The following FAM135B variants were observed in gnomAD, a reference collection of about 807,000 sequenced individuals.
FAM135B encodes the protein protein FAM135B.
A neutral mutation model predicts 127.7 loss-of-function variants in FAM135B; 43 were observed. That is an observed-to-expected ratio of 0.34 (90% CI 0.26 to 0.43). The LOEUF (loss-of-function observed/expected upper bound fraction) is 0.43, where lower values mean the gene tolerates loss of function less well. Ranked by LOEUF, FAM135B falls within the 20% of genes least tolerant of loss-of-function variation. The pLI, the probability that FAM135B is intolerant of heterozygous loss-of-function variation, is 1.00. For missense variants in FAM135B, 1,558 were observed against 1,725.6 expected, an observed-to-expected ratio of 0.90 and a Z score of 1.72; for synonymous variants, 670 against 665.1, an observed-to-expected ratio of 1.01 and a Z score of -0.11.
intron 17 of FAM135B, among the ~76,000 whole-genome samples, chr8:138,140,257 A>T (rs1029578314): frequency 6.6e-6 from 1 of 152,212 alleles, no homozygotes; most frequent in Non-Finnish European, 1.5e-5. Context: ...GGCCATGAGG[A>T]AACAACGTTA....
intron 12 of FAM135B, among the ~76,000 whole-genome samples, chr8:138,154,073 C>T (rs1316937835): frequency 6.6e-6 from 1 of 152,114 alleles, no homozygotes; most frequent in Non-Finnish European, 1.5e-5. Flanking sequence ...AGCTGGGTGC[C>T]CCTCTGAGAC....
intron 7 of FAM135B, among the ~76,000 whole-genome samples, chr8:138,239,777 A>T (rs1820587938): frequency 6.6e-6 from 1 of 152,234 alleles, no homozygotes; most frequent in Admixed American, 6.5e-5. Context: ...AGACTGGATT[A>T]AGAAAATGTG....
At chr8:138,446,097 C>T (rs202038840) in intron 1 of FAM135B, among the ~76,000 whole-genome samples, 13 of 152,110 alleles carry the variant, frequency 8.5e-5, no homozygotes, top group South Asian at 6.2e-4. Flanking sequence ...CAACTTACAA[C>T]GGATGTGAAG....
intron 1 of FAM135B, among the ~76,000 whole-genome samples, chr8:138,400,334 C>T (rs1193615297): frequency 6.6e-6 from 1 of 152,150 alleles, no homozygotes; most frequent in Non-Finnish European, 1.5e-5. Context: ...TGACCTGCTA[C>T]CAAAGAGCCC....
chr8:138,286,482 C>T (rs543932112), intron 3 of FAM135B, among the ~76,000 whole-genome samples: 14 of 152,320 alleles, frequency 9.2e-5, no homozygotes, highest in South Asian at 2.1e-4. Context: ...CACGTATAGA[C>T]GGCCTACTCA....
chr8:138,442,248 A>ATG (rs1835829087), intron 1 of FAM135B, among the ~76,000 whole-genome samples: 6 of 110,300 alleles, frequency 5.4e-5, no homozygotes, highest in Admixed American at 4.4e-4. Flanking sequence ...ATATATATAT[A>ATG]TATATATATA....
intron 1 of FAM135B, among the ~76,000 whole-genome samples, chr8:138,460,986 G>T (rs1237896187): frequency 6.6e-6 from 1 of 152,202 alleles, no homozygotes; most frequent in Non-Finnish European, 1.5e-5. Flanking sequence ...TATTCAGACA[G>T]CTTGGGTTTT....
At chr8:138,371,111 C>A (rs545859854) in intron 1 of FAM135B, among the ~76,000 whole-genome samples, 1 of 152,282 alleles carries the variant, frequency 6.6e-6, no homozygotes, top group East Asian at 1.9e-4. Context: ...TTAACCAGAC[C>A]TGAGTTAACT....
In FAM135B at chr8:138,242,001, A is replaced by G. The variant is rs900901772; in HGVS notation, c.669+941T>C. Among the ~76,000 whole-genome samples the G allele has an allele frequency of 1.3e-5, 2 of 152,082 alleles. No individual in the cohort carries two copies. Among genetic ancestry groups the G allele is most frequent in the African/African-American group, 4.8e-5 (2 of 41,428 alleles). ...AGTTTTCTCCTGCCTTTGGACTTAGACTTGCAAGGGGCCTTATAACACTAG... is the reference window on the plus strand; with the variant it reads ...AGTTTTCTCCTGCCTTTGGACTTAGGCTTGCAAGGGGCCTTATAACACTAG... On this transcript the variant is annotated intron_variant, in intron 7 of 19. Transcript: ENST00000395297. This position sits in a 1 kb window ranked among gnomAD's most constrained non-coding sequence, Gnocchi z 9.6.
chr8:138,147,706 C>T (rs542607729), intron 14 of FAM135B, among the ~76,000 whole-genome samples: 3 of 152,172 alleles, frequency 2.0e-5, no homozygotes, highest in South Asian at 2.1e-4. Flanking sequence ...TCTATGGCTC[C>T]GTTTTCTGAC....
chr8:138,198,094 T>C (rs1816808137), intron 7 of FAM135B, among the ~76,000 whole-genome samples: 1 of 152,084 alleles, frequency 6.6e-6, no homozygotes, highest in South Asian at 2.1e-4. Flanking sequence ...CCACATGTCA[T>C]GGGAGGGACC....
chr8:138,236,549 G>C (rs998946342), intron 7 of FAM135B, among the ~76,000 whole-genome samples: 4 of 152,050 alleles, frequency 2.6e-5, no homozygotes, highest in African/African-American at 9.7e-5. Flanking sequence ...ATGGCATCAG[G>C]CTCACTGATT....
intron 3 of FAM135B, among the ~76,000 whole-genome samples, chr8:138,283,778 A>C (rs1824461138): frequency 6.6e-6 from 1 of 152,138 alleles, no homozygotes; most frequent in Non-Finnish European, 1.5e-5. Context: ...CACCACTAAG[A>C]GGTATGTCTG....
intron 7 of FAM135B, among the ~76,000 whole-genome samples, chr8:138,232,481 G>A (rs1456316472): frequency 6.6e-6 from 1 of 152,178 alleles, no homozygotes; most frequent in East Asian, 1.9e-4. Flanking sequence ...ATGAACTGTG[G>A]AAATATGTTG....
chr8:138,217,139 T>C (rs184450034), intron 7 of FAM135B, among the ~76,000 whole-genome samples: 2 of 152,298 alleles, frequency 1.3e-5, no homozygotes, highest in East Asian at 3.9e-4. Context: ...ATCACCATTA[T>C]CTAATGCCTG....
At chr8:138,432,683 A>T (rs925584528) in intron 1 of FAM135B, among the ~76,000 whole-genome samples, 1 of 152,078 alleles carries the variant, frequency 6.6e-6, no homozygotes, top group African/African-American at 2.4e-5. Flanking sequence ...TAACTGGTAG[A>T]TATTTTGCTC....
chr8:138,280,275 G>A lies in FAM135B; in HGVS notation c.158-14433C>T, dbSNP rs560660915. ...GTCACCTGATTGAGTGTCAGCCAAG[G>A]CTTAGCCCGTTGGCTCTAGTATCAG... On this transcript the variant is annotated intron_variant, in intron 3 of 19. Transcript: ENST00000395297. Among the ~76,000 whole-genome samples, 4 of 152,280 alleles carry A rather than the reference G, an allele frequency of 2.6e-5. 1 individual carries two copies. The South Asian group carries it at 6.2e-4, about 24-fold the overall frequency.
chr8:138,222,678 GT>G (rs33913656), intron 7 of FAM135B, among the ~76,000 whole-genome samples: 31,182 of 104,058 alleles, frequency 0.3, 3,950 homozygotes, highest in East Asian at 0.35. Context: ...TGTTGGTGGT[GT>G]TTTTTTTTTT....
chr8:138,288,777 A>G (rs1184841082), intron 3 of FAM135B, among the ~76,000 whole-genome samples: 1 of 152,210 alleles, frequency 6.6e-6, no homozygotes, highest in Non-Finnish European at 1.5e-5. Context: ...TTTTAAGGAG[A>G]AAGCAAAAAG....
Sources: gnomAD v4.1 joint callset for allele counts (sites outside exome capture counted in the v4.1 genomes callset) on GRCh38, gnomAD v4.1.1 for gene constraint, Gnocchi (gnomAD v3.1) non-coding constraint, MANE v1.5 for transcripts, NCBI Gene and HGNC (gene_info 2026-07-23, HGNC 2026-07-21) for gene names.